The following KIAA0753 variants were observed in gnomAD, a reference collection of about 807,000 sequenced individuals.
The protein encoded by KIAA0753 is protein moonraker.
Under a neutral mutation model 116.9 loss-of-function variants are expected in KIAA0753, and 114 were observed. The ratio of observed to expected loss-of-function variants is 0.98; its 90% CI spans 0.84 to 1.14. The LOEUF is 1.14. KIAA0753 is among the 50% of genes most tolerant of loss of function. KIAA0753 has a pLI of 0.00. For missense variants in KIAA0753, 1,156 were observed against 1,172.4 expected (o/e 0.99, Z 0.20); for synonymous variants, 405 against 413.1 (o/e 0.98, Z 0.24).
At position 6,596,204 on chromosome 17, in the gene KIAA0753, T is replaced by C. The variant is rs753850176; in HGVS notation, c.2312A>G (p.Asp771Gly). 1 of 1,613,948 alleles carries C rather than the reference T, an allele frequency of 6.2e-7. No individual in the cohort carries two copies. Among genetic ancestry groups the C allele is most frequent in the Non-Finnish European group, 8.5e-7 (1 of 1,179,866 alleles). The change falls in exon 15 of 19, where the codon GAT becomes GGT. Residue 771 changes from aspartate to glycine, a missense_variant. Transcript: ENST00000361413. ...CATCATGATCTCCAGATCTGGGCTA[T>C]CCTTGCTGTCCTCAACGGTGGCTAA... ...ETLATVEDSK[D>G]SPDLEIMMRR...
At chr17:6,627,977 T>C in intron 3 of KIAA0753, 140 bp downstream of exon 3, 1 of 763,010 alleles carries the variant, frequency 1.3e-6, no homozygotes, top group East Asian at 2.6e-5. Context: ...TGTCTTGTCC[T>C]GAGTACTCAC....
intron 16 of KIAA0753, among the ~76,000 whole-genome samples, chr17:6,593,812 G>A (rs1267427023): frequency 6.6e-6 from 1 of 152,244 alleles, no homozygotes; most frequent in African/African-American, 2.4e-5. Flanking sequence ...TTGAACTCGG[G>A]AGGTAGAGGT....
At chr17:6,626,502 C>A (rs1971674155) in intron 3 of KIAA0753, among the ~76,000 whole-genome samples, 2 of 152,054 alleles carry the variant, frequency 1.3e-5, no homozygotes, top group South Asian at 4.1e-4. Flanking sequence ...GATTCACATA[C>A]TTCTATGAAC....
chr17:6,587,065 T>C (rs190445733), intron 18 of KIAA0753, among the ~76,000 whole-genome samples: 19 of 152,108 alleles, frequency 1.2e-4, no homozygotes, highest in Admixed American at 5.9e-4. Context: ...TGAAACCCTT[T>C]TACTAAAAAC....
intron 3 of KIAA0753, 24 bp from the exon 4 acceptor site, chr17:6,624,885 C>T: frequency 6.9e-7 from 1 of 1,448,960 alleles, no homozygotes; most frequent in Non-Finnish European, 9.5e-7. Context: ...TAGTTTTCCC[C>T]AAAAGTGGAT....
chr17:6,635,581 T>A (rs1972272071), intron 1 of KIAA0753: 1 of 152,712 alleles, frequency 6.5e-6, no homozygotes, highest in African/African-American at 2.4e-5. Context: ...AGCAGTATGC[T>A]TCACTCTGTC....
intron 6 of KIAA0753, among the ~76,000 whole-genome samples, chr17:6,622,441 C>T (rs1224617790): frequency 2.0e-5 from 3 of 152,218 alleles, no homozygotes; most frequent in Non-Finnish European, 4.4e-5. Flanking sequence ...CTAGACGTCT[C>T]TAGCTATATC....
At chr17:6,628,924 T>C (rs549240165) in intron 2 of KIAA0753, among the ~76,000 whole-genome samples, 183 bp from the exon 3 acceptor site, 1 of 152,272 alleles carries the variant, frequency 6.6e-6, no homozygotes, top group Non-Finnish European at 1.5e-5. Flanking sequence ...ATACCCCTGG[T>C]TCTATCCTAT....
At chr17:6,626,491 G>A (rs979930204) in intron 3 of KIAA0753, among the ~76,000 whole-genome samples, 6 of 152,062 alleles carry the variant, frequency 3.9e-5, no homozygotes, top group South Asian at 2.1e-4. Flanking sequence ...GGGAAAATCC[G>A]GATTCACATA....
chr17:6,595,127 G>A (rs1969374157), intron 15 of KIAA0753, 74 bp from the exon 16 acceptor site: 2 of 1,073,292 alleles, frequency 1.9e-6, no homozygotes, highest in Admixed American at 4.1e-5. Context: ...TGGTAAAGAT[G>A]TAAAAGTTCA....
intron 7 of KIAA0753, among the ~76,000 whole-genome samples, chr17:6,617,264 G>T (rs1263362136): frequency 1.3e-5 from 2 of 152,142 alleles, no homozygotes; most frequent in Non-Finnish European, 2.9e-5. Flanking sequence ...GCTCATCATA[G>T]AGGATATAAG....
chr17:6,598,845 A>G (rs1249209008), intron 14 of KIAA0753, among the ~76,000 whole-genome samples: 2 of 152,222 alleles, frequency 1.3e-5, no homozygotes, highest in African/African-American at 4.8e-5. Flanking sequence ...TTAACAATAA[A>G]TATTAGGCCC....
At chr17:6,582,901 C>T (rs1426979840) in intron 18 of KIAA0753, among the ~76,000 whole-genome samples, 1 of 152,198 alleles carries the variant, frequency 6.6e-6, no homozygotes, top group Non-Finnish European at 1.5e-5. Flanking sequence ...TTCTTACATA[C>T]TATTGTTACT....
chr17:6,621,925 G>A (rs1225157079), intron 6 of KIAA0753, among the ~76,000 whole-genome samples: 1 of 152,066 alleles, frequency 6.6e-6, no homozygotes, highest in Non-Finnish European at 1.5e-5. Context: ...CTATATACAC[G>A]AATGTAACCA....
At chr17:6,633,979 C>G (rs919954099) in intron 2 of KIAA0753, among the ~76,000 whole-genome samples, 1 of 151,286 alleles carries the variant, frequency 6.6e-6, no homozygotes, top group African/African-American at 2.4e-5. Context: ...CATATGTATG[C>G]ATTTGTCAAA....
At chr17:6,602,691 G>A (rs1291053435) in intron 12 of KIAA0753, among the ~76,000 whole-genome samples, 4 of 152,254 alleles carry the variant, frequency 2.6e-5, no homozygotes, top group Middle Eastern at 3.4e-3. Context: ...CTTGATTAGC[G>A]TTTTGGTTAC....
intron 2 of KIAA0753, among the ~76,000 whole-genome samples, chr17:6,630,040 TG>T (rs1402400305): frequency 6.6e-6 from 1 of 152,098 alleles, no homozygotes; most frequent in Non-Finnish European, 1.5e-5. Context: ...AAGAATCGCT[TG>T]AGCCTGGGAG....
intron 14 of KIAA0753, among the ~76,000 whole-genome samples, chr17:6,596,956 T>C (rs189305830): frequency 1.4e-3 from 220 of 152,356 alleles, no homozygotes; most frequent in African/African-American, 5.2e-3. Flanking sequence ...TTGCAAAGAA[T>C]GTTTGCTGGG....
At chr17:6,622,395 T>C (rs1399994095) in intron 6 of KIAA0753, among the ~76,000 whole-genome samples, 1 of 152,250 alleles carries the variant, frequency 6.6e-6, no homozygotes, top group Admixed American at 6.5e-5. Context: ...CTAAGAACAC[T>C]ATCAATTCCT....
Sources: allele counts gnomAD v4.1 joint callset (sites outside exome capture counted in the v4.1 genomes callset), GRCh38; gene constraint gnomAD v4.1.1; transcripts MANE v1.5; gene names NCBI Gene and HGNC (gene_info 2026-07-23, HGNC 2026-07-21).